The following KIF5C variants were observed in gnomAD, a reference collection of about 807,000 sequenced individuals.
The protein encoded by KIF5C is kinesin heavy chain isoform 5C.
A neutral mutation model predicts 125.2 loss-of-function variants in KIF5C; 18 were observed. That is an observed-to-expected ratio of 0.14 (90% CI 0.10 to 0.21). The LOEUF (loss-of-function observed/expected upper bound fraction) is 0.21. Ranked by LOEUF, KIF5C falls within the 10% of genes least tolerant of loss-of-function variation. The probability of loss-of-function intolerance (pLI) is 1.00; values close to 1 mark genes in which losing one functional copy is unlikely to be tolerated. For missense variants in KIF5C, 780 were observed against 1,183.8 expected (o/e 0.66, Z 5.01); for synonymous variants, 405 against 434.0 (o/e 0.93, Z 0.83).
intron 1 of KIF5C, among the ~76,000 whole-genome samples, chr2:148,886,784 A>G (rs1681539896): frequency 6.6e-6 from 1 of 152,206 alleles, no homozygotes; most frequent in African/African-American, 2.4e-5. Context: ...CCTGCTAATT[A>G]TCTGTTCAAA....
chr2:149,010,869 C>T (rs2105201289), intron 24 of KIF5C, among the ~76,000 whole-genome samples: 1 of 152,342 alleles, frequency 6.6e-6, no homozygotes, highest in East Asian at 1.9e-4. Context: ...TCTGGAGTCT[C>T]AGCCTCTTCA....
At chr2:148,952,444 C>G (rs1213326922) in intron 10 of KIF5C, among the ~76,000 whole-genome samples, 1 of 152,100 alleles carries the variant, frequency 6.6e-6, no homozygotes, top group African/African-American at 2.4e-5. Flanking sequence ...TAATATATGT[C>G]AGGTGTGTCA....
At chr2:148,962,184 G>T in intron 11 of KIF5C, 65 bp downstream of exon 11, 1 of 1,489,938 alleles carries the variant, frequency 6.7e-7, no homozygotes, top group South Asian at 1.4e-5. Context: ...TATTTTTTTT[G>T]AGACAGAGTC....
At chr2:148,910,459 A>G (rs1361263103) in intron 1 of KIF5C, among the ~76,000 whole-genome samples, 11 of 152,224 alleles carry the variant, frequency 7.2e-5, no homozygotes, top group Admixed American at 7.2e-4. Context: ...GGTCTAGCAT[A>G]CAAGAGTCAG....
intron 2 of KIF5C, among the ~76,000 whole-genome samples, chr2:148,929,002 A>T (rs1382097147): frequency 1.3e-5 from 2 of 152,246 alleles, no homozygotes; most frequent in Non-Finnish European, 2.9e-5. Flanking sequence ...CTACTAAAAA[A>T]AAGTTTTCTG....
At chr2:148,880,400 C>T (rs1024658585) in intron 1 of KIF5C, among the ~76,000 whole-genome samples, 6 of 152,252 alleles carry the variant, frequency 3.9e-5, no homozygotes, top group African/African-American at 1.2e-4. Context: ...GGATTATAGG[C>T]ATGAGCCACC....
chr2:148,918,686 G>C (rs1406219292), intron 1 of KIF5C, among the ~76,000 whole-genome samples: 1 of 152,246 alleles, frequency 6.6e-6, no homozygotes, highest in Non-Finnish European at 1.5e-5. Flanking sequence ...GGGCCACACT[G>C]TAGTGAGATG....
At chr2:148,923,664 C>T (rs921864673) in intron 2 of KIF5C, among the ~76,000 whole-genome samples, 2 of 151,982 alleles carry the variant, frequency 1.3e-5, no homozygotes, top group African/African-American at 4.8e-5. Flanking sequence ...ATTTCTTTTT[C>T]TCTCCCCCTT....
At chr2:148,956,635 C>CT (rs1428115931) in intron 10 of KIF5C, among the ~76,000 whole-genome samples, 1 of 152,194 alleles carries the variant, frequency 6.6e-6, no homozygotes, top group East Asian at 1.9e-4. Flanking sequence ...AACAGATTCC[C>CT]TGATAATGGC....
At chr2:148,919,776 T>C (rs1681708442) in intron 1 of KIF5C, among the ~76,000 whole-genome samples, 1 of 152,208 alleles carries the variant, frequency 6.6e-6, no homozygotes, top group Non-Finnish European at 1.5e-5. Flanking sequence ...TAAAAGCCTA[T>C]AACTAACTCA....
chr2:149,010,461 G>T (rs1682155786), intron 24 of KIF5C, 110 bp downstream of exon 24: 2 of 1,447,388 alleles, frequency 1.4e-6, no homozygotes, highest in African/African-American at 1.4e-5. Flanking sequence ...CATCTGAAAG[G>T]CTGGGTTGGA....
chr2:148,922,183 C>A lies in KIF5C; in HGVS notation c.173C>A (p.Thr58Asn), dbSNP rs1219764491. The change falls in exon 2 of 26, where the codon ACC (threonine) becomes AAC (asparagine). Residue 58 changes from threonine to asparagine, a missense_variant. Thr to Asn is a moderately conservative substitution (Grantham distance 65, BLOSUM62 0). This residue lies in a region of KIF5C where 207 missense variants were observed against 441.2 expected (regional missense o/e 0.47). Coordinates refer to ENST00000435030, the MANE Select transcript of KIF5C (RefSeq NM_004522.3). ...GACAGAGTGCTACCTCCCAACACGA[C>A]CCAAGAGCAGGTTTACAATGCATGT... ...VFDRVLPPNTTQEQVYNACAK... is the reference protein window; with the variant it reads ...VFDRVLPPNTNQEQVYNACAK... 6.2e-7 allele frequency: 1 copy of A among 1,613,346 alleles called. No individual in the cohort carries two copies. The highest frequency in any genetic ancestry group is 1.3e-5 in the African/African-American group (1 of 74,884).
At chr2:148,981,866 T>A (rs1178959412) in intron 14 of KIF5C, among the ~76,000 whole-genome samples, 1 of 152,234 alleles carries the variant, frequency 6.6e-6, no homozygotes, top group Non-Finnish European at 1.5e-5. Context: ...GTTACAAGTC[T>A]GACTTCATAA....
intron 1 of KIF5C, among the ~76,000 whole-genome samples, chr2:148,898,776 G>A (rs1680770706): frequency 6.6e-6 from 1 of 152,188 alleles, no homozygotes; most frequent in Admixed American, 6.5e-5. Flanking sequence ...ATCCAGAACT[G>A]AAAGATAATA....
intron 7 of KIF5C, among the ~76,000 whole-genome samples, chr2:148,944,398 A>G (rs1411459640): frequency 1.3e-5 from 2 of 152,252 alleles, no homozygotes; most frequent in East Asian, 3.8e-4. Context: ...GTGGAATCAT[A>G]AAGTGTTTGT....
intron 25 of KIF5C, among the ~76,000 whole-genome samples, chr2:149,013,768 C>T (rs1026846731): frequency 6.6e-6 from 1 of 152,140 alleles, no homozygotes; most frequent in Non-Finnish European, 1.5e-5. Context: ...CAACAAAGGT[C>T]TGCCAGTCCC....
chr2:148,976,945 T>G (rs1270108619), intron 12 of KIF5C, among the ~76,000 whole-genome samples: 2 of 152,220 alleles, frequency 1.3e-5, no homozygotes, highest in African/African-American at 4.8e-5. Flanking sequence ...CTTTAAAATC[T>G]GTTATCCATG....
At position 148,991,158 on chromosome 2, in the gene KIF5C, G is replaced by T; in HGVS notation, c.1865G>T (p.Ser622Ile). The change falls in exon 16 of 26, where the codon AGC becomes ATC. Residue 622 changes from serine (S) to isoleucine (I), a missense_variant. Transcript: ENST00000435030. ...QMDSNRKMNA[S>I]ERELAACQLL... ...GACTCCAACAGGAAGATGAATGCCAGCGAGCGGGAGCTGGCAGCCTGCCAG... is the reference window on the plus strand; with the variant it reads ...GACTCCAACAGGAAGATGAATGCCATCGAGCGGGAGCTGGCAGCCTGCCAG... 6.2e-7 allele frequency: 1 copy of T among 1,613,936 alleles called. No homozygotes were observed. Among genetic ancestry groups the T allele is most frequent in the Admixed American group, 1.7e-5 (1 of 60,028 alleles).
chr2:148,918,441 T>G lies in KIF5C; in HGVS notation c.127-3696T>G, dbSNP rs1159456334. On this transcript the variant is annotated intron_variant, in intron 1 of 25. Transcript: ENST00000435030. ...GATTGATAATTAGTCACATACTAAC[T>G]ACTATGGAGCAAACTAATTCAGGTA... Among the ~76,000 whole-genome samples, 4 of 152,340 alleles carry G rather than the reference T, an allele frequency of 2.6e-5. No individual in the cohort carries two copies. The East Asian group carries it at 5.8e-4, about 22-fold the overall frequency.
Sources: gnomAD v4.1 joint callset for allele counts (sites outside exome capture counted in the v4.1 genomes callset) on GRCh38, gnomAD v4.1.1 for gene constraint, gnomAD v4.1.1 regional missense constraint, MANE v1.5 for transcripts, NCBI Gene and HGNC (gene_info 2026-07-23, HGNC 2026-07-21) for gene names.